The following FAT4 variants were observed in gnomAD, a reference collection of about 807,000 sequenced individuals.
FAT4 encodes FAT atypical cadherin 4, also known as protocadherin Fat 4.
FAT4 carries 84 observed loss-of-function variants against 303.9 expected under a neutral mutation model. The ratio of observed to expected loss-of-function variants is 0.28; its 90% CI spans 0.23 to 0.33. The LOEUF (loss-of-function observed/expected upper bound fraction) is 0.33. Ranked by LOEUF, FAT4 falls within the 10% of genes least tolerant of loss-of-function variation. The probability of loss-of-function intolerance (pLI) is 1.00; values close to 1 mark genes in which losing one functional copy is unlikely to be tolerated. For synonymous variants in FAT4, 2,307 were observed against 2,298.8 expected (o/e 1.00, Z -0.10); for missense variants, 6,005 against 6,146.8 (o/e 0.98, Z 0.77).
Position 125,408,508 on chromosome 4 carries a change from T to C in FAT4, c.5634T>C (p.Tyr1878=), listed in dbSNP as rs777802753. The part of the protein sequence containing the change: ...DDSGVNGEIT[Y]IVNEDDEDGI... The stretch of plus-strand genomic sequence containing the variant: ...CTGGTGTGAATGGAGAAATTACATA[T>C]ATTGTGAATGAAGATGATGAAGATG... The change falls in exon 5 of 18, where the codon TAT becomes TAC. Residue 1878 remains tyrosine, a synonymous_variant. Transcript: ENST00000394329. 3.1e-6 allele frequency: 5 copies of C among 1,613,314 alleles called. No homozygotes were observed. In the African/African-American group the frequency reaches 4.0e-5, roughly 13 times the overall value.
At chr4:125,382,681 T>C (rs1733586351) in intron 2 of FAT4, among the ~76,000 whole-genome samples, 1 of 152,214 alleles carries the variant, frequency 6.6e-6, no homozygotes, top group African/African-American at 2.4e-5. Context: ...AAACTCAACC[T>C]GTCCTTTGAA....
At chr4:125,407,314 C>A (rs2126020030) in intron 4 of FAT4, among the ~76,000 whole-genome samples, 173 bp downstream of exon 4, 1 of 152,070 alleles carries the variant, frequency 6.6e-6, no homozygotes, top group Middle Eastern at 3.4e-3. Flanking sequence ...TGGTAAAATT[C>A]TCAAGCAAAT....
rs568825847 is a variant in FAT4 at position 125,367,893 on chromosome 4, G to A, written c.5176-30891G>A. Among the ~76,000 whole-genome samples, 3 of 152,268 alleles carry A rather than the reference G, an allele frequency of 2.0e-5. No homozygotes were observed. The South Asian group carries it at 6.2e-4, about 32-fold the overall frequency. ...ATCAGGGAAAATGGTGAGTTCATGT[G>A]TGGAAGTTCTACTCTGACTCAGGTA... is the stretch of plus-strand genomic sequence containing the variant. On this transcript the variant is annotated intron_variant, in intron 2 of 17. Transcript: ENST00000394329.
chr4:125,450,322 T>C lies in FAT4; in HGVS notation c.9312T>C (p.His3104=), dbSNP rs1181864082. The change falls in exon 10 of 18, where the codon CAT becomes CAC. Residue 3104 remains histidine, a synonymous_variant. Coordinates refer to ENST00000394329, the MANE Select transcript of FAT4 (RefSeq NM_001291303.3). ...TGAGTGCAACCATCCCTGAGAGCCATAGCATTGGGTCCATTGTCAGAACTG... is the reference window on the plus strand; with the variant it reads ...TGAGTGCAACCATCCCTGAGAGCCACAGCATTGGGTCCATTGTCAGAACTG... ...SHMSATIPES[H]SIGSIVRTVS... is the part of the protein sequence containing the mutation. 2 of 1,614,108 alleles carry C rather than the reference T, an allele frequency of 1.2e-6. No individual in the cohort carries two copies. Among genetic ancestry groups the C allele is most frequent in the Admixed American group, 1.7e-5 (1 of 60,004 alleles).
chr4:125,354,874 A>G (rs1437478719), intron 2 of FAT4, among the ~76,000 whole-genome samples: 2 of 151,810 alleles, frequency 1.3e-5, no homozygotes, highest in Non-Finnish European at 2.9e-5. Context: ...TGTTCAAAGC[A>G]GTACTCCTAG....
chr4:125,330,987 T>C (rs1731358606), intron 2 of FAT4, among the ~76,000 whole-genome samples: 1 of 152,138 alleles, frequency 6.6e-6, no homozygotes, highest in Non-Finnish European at 1.5e-5. Context: ...CTTAGGGTCT[T>C]TGTGGCAGCT....
intron 2 of FAT4, among the ~76,000 whole-genome samples, chr4:125,382,786 T>C (rs1423230716): frequency 2.0e-5 from 3 of 152,186 alleles, no homozygotes; most frequent in Non-Finnish European, 4.4e-5. Context: ...TGAAAATCTG[T>C]TTTTTAATGA....
chr4:125,347,379 T>C (rs180733585), intron 2 of FAT4, among the ~76,000 whole-genome samples: 161 of 151,434 alleles, frequency 1.1e-3, no homozygotes, highest in African/African-American at 3.7e-3. Context: ...TACAGATATT[T>C]TTAGAAGTAA....
intron 15 of FAT4, among the ~76,000 whole-genome samples, chr4:125,480,560 G>GT (rs1221364391): frequency 6.6e-6 from 1 of 151,852 alleles, no homozygotes; most frequent in African/African-American, 2.4e-5. Flanking sequence ...TCCATTGCAG[G>GT]TATCTGACTA....
chr4:125,396,926 GTA>G lies in FAT4; in HGVS notation c.5176-1819_5176-1818del, dbSNP rs66744105. On this transcript the variant is annotated intron_variant, in intron 2 of 17. Transcript: ENST00000394329. ...CATATATGTATGTGTATGTGTGTGTGTATATATATATATATATATATATATAT... is the reference window on the plus strand; with the variant it reads ...CATATATGTATGTGTATGTGTGTGTGTATATATATATATATATATATATAT... Among the ~76,000 whole-genome samples, 484 of 143,794 alleles carry G rather than the reference GTA, an allele frequency of 3.4e-3. 1 individual carries two copies. Among genetic ancestry groups the G allele is most frequent in the African/African-American group, 0.011 (441 of 38,820 alleles). 94.3% of individuals were successfully genotyped at this position (143,794 alleles called of 152,430 possible).
At chr4:125,404,755 C>A (rs75310615) in intron 3 of FAT4, among the ~76,000 whole-genome samples, 1 of 152,138 alleles carries the variant, frequency 6.6e-6, no homozygotes, top group African/African-American at 2.4e-5. Context: ...CCTGGAAAAC[C>A]ACCATTCTAC....
chr4:125,355,340 A>G (rs1337557507), intron 2 of FAT4, among the ~76,000 whole-genome samples: 1 of 152,034 alleles, frequency 6.6e-6, no homozygotes, highest in African/African-American at 2.4e-5. Context: ...CACATATTTT[A>G]ATGTAACAAA....
At chr4:125,424,962 T>C (rs1725039010) in intron 7 of FAT4, among the ~76,000 whole-genome samples, 1 of 152,148 alleles carries the variant, frequency 6.6e-6, no homozygotes, top group Admixed American at 6.5e-5. Context: ...AAAAAAGATT[T>C]TAGGGCAAAT....
chr4:125,377,399 T>C (rs2125996036), intron 2 of FAT4, among the ~76,000 whole-genome samples: 1 of 152,272 alleles, frequency 6.6e-6, no homozygotes, highest in South Asian at 2.1e-4. Context: ...TTTCCAACTC[T>C]GATTAGACCA....
In FAT4 at chr4:125,319,975, G is replaced by A; in HGVS notation, c.3564G>A (p.Gln1188=). 6.2e-7 allele frequency: 1 copy of A among 1,613,074 alleles called. No homozygotes were observed. Among genetic ancestry groups the A allele is most frequent in the Middle Eastern group, 1.6e-4 (1 of 6,062 alleles). ...TAGCAACAGATCAGGGGATCCCTCA[G>A]CCTCTCAAGGATCAGGCCACTGTAC... is the stretch of plus-strand genomic sequence containing the variant. ...TVIATDQGIP[Q]PLKDQATVHV... is the part of the protein sequence containing the mutation. The change falls in exon 2 of 18, where the codon CAG becomes CAA. Residue 1188 remains glutamine, a synonymous_variant. Transcript: ENST00000394329.
rs1039501187 is a variant in FAT4, at chr4:125,337,355, A to G, written c.5175+15769A>G. The stretch of plus-strand genomic sequence containing the variant: ...TTAATCACATTAAAAGGAAAAGCAT[A>G]CTTAGGAAACACAGAAAATTTATTT... On this transcript the variant is annotated intron_variant, in intron 2 of 17. Coordinates refer to ENST00000394329, the MANE Select transcript of FAT4 (RefSeq NM_001291303.3). Among the ~76,000 whole-genome samples the G allele has an allele frequency of 2.7e-4, 41 of 152,132 alleles. 1 individual carries two copies. The highest frequency in any genetic ancestry group is 2.7e-3 in the Admixed American group (41 of 15,272).
chr4:125,456,520 ATAAT>A (rs34245741), intron 10 of FAT4, among the ~76,000 whole-genome samples: 74,124 of 151,746 alleles, frequency 0.49, 18,796 homozygotes, highest in Non-Finnish European at 0.57. Context: ...AAACTGGCAG[ATAAT>A]TAATGTCTGA....
At chr4:125,322,747 G>A (rs1308764809) in intron 2 of FAT4, among the ~76,000 whole-genome samples, 1 of 150,848 alleles carries the variant, frequency 6.6e-6, no homozygotes, top group East Asian at 1.9e-4. Context: ...ATATATTTTT[G>A]TATCCTCTGT....
At chr4:125,469,083 C>T (rs897295565) in intron 12 of FAT4, among the ~76,000 whole-genome samples, 19 of 152,188 alleles carry the variant, frequency 1.2e-4, no homozygotes, top group African/African-American at 4.3e-4. Flanking sequence ...CAGGACTATA[C>T]TTAAAATAAC....
Sources: allele counts gnomAD v4.1 joint callset (sites outside exome capture counted in the v4.1 genomes callset), GRCh38; gene constraint gnomAD v4.1.1; transcripts MANE v1.5; gene names NCBI Gene and HGNC (gene_info 2026-07-23, HGNC 2026-07-21).